Variants in MPRIP observed in about 807,000 individuals in gnomAD.
The protein encoded by MPRIP is myosin phosphatase Rho-interacting protein.
A neutral mutation model predicts 234.9 loss-of-function variants in MPRIP; 59 were observed. The observed-to-expected ratio is 0.25, with a 90% CI of 0.20 to 0.31. MPRIP has a LOEUF of 0.31. Among genes scored for constraint, MPRIP ranks in the 10% least tolerant of loss-of-function variants. MPRIP has a pLI of 1.00. For synonymous variants in MPRIP, 1,144 were observed against 1,263.9 expected (o/e 0.91, Z 2.01); for missense variants, 2,436 against 3,071.0 (o/e 0.79, Z 4.89).
At chr17:17,176,539 G>C in intron 21 of MPRIP, 27 bp downstream of exon 21, 1 of 1,582,706 alleles carries the variant, frequency 6.3e-7, no homozygotes, top group Non-Finnish European at 8.7e-7. Flanking sequence ...ACAGGAGGGC[G>C]GGTACGGGAA....
Position 17,138,098 on chromosome 17 carries a change from T to C in MPRIP, c.919T>C (p.Ser307Pro). ...NHRYSCPESP[S>P]QELGGPLPSP... ...CAGGTACAGTTGCCCCGAGTCGCCCTCCCAGGAGCTCGGTGGTCCTCTTCC... is the reference window on the plus strand; with the variant it reads ...CAGGTACAGTTGCCCCGAGTCGCCCCCCCAGGAGCTCGGTGGTCCTCTTCC... Residue 307 changes from serine (S) to proline (P), a missense_variant, in exon 7 of 24, where the codon TCC (serine) becomes CCC (proline). By Grantham distance (74) the Ser-to-Pro change is moderately conservative. Around this residue, in one of 4 missense-constraint regions of MPRIP, gnomAD observed 267 missense variants for 252.7 expected, o/e 1.06. Transcript: ENST00000651222. The surrounding 1 kb of genome is among the most constrained non-coding windows in gnomAD (Gnocchi z 5.8). The C allele has an allele frequency of 6.9e-7, 1 of 1,446,890 alleles. No homozygotes were observed. Among genetic ancestry groups the C allele is most frequent in the Non-Finnish European group, 9.2e-7 (1 of 1,083,450 alleles). 89.6% of individuals were successfully genotyped at this position (1,446,890 alleles called of 1,614,324 possible).
intron 15 of MPRIP, among the ~76,000 whole-genome samples, chr17:17,163,824 T>C (rs970069715): frequency 3.9e-5 from 6 of 152,186 alleles, no homozygotes; most frequent in Admixed American, 2.0e-4. Context: ...GTGTGTTCCA[T>C]TATTCAGTTT....
In MPRIP at chr17:17,078,422, G is replaced by T. The variant is rs1442825251; in HGVS notation, c.267+346G>T. The stretch of plus-strand genomic sequence containing the variant: ...ACGTGTGCAGGCTGTGGACCTGTGG[G>T]CGTGGGGCAGGGGCTGGCCCTGGGG... On this transcript the variant is annotated intron_variant, in intron 3 of 23. Coordinates refer to ENST00000651222, the MANE Select transcript of MPRIP (RefSeq NM_001364716.4). This position sits in a 1 kb window ranked among gnomAD's most constrained non-coding sequence, Gnocchi z 4.3. 6.6e-6 allele frequency among the ~76,000 whole-genome samples: 1 copy of T among 152,248 alleles called. No individual in the cohort carries two copies. The highest frequency in any genetic ancestry group is 1.5e-5 in the Non-Finnish European group (1 of 68,050).
intron 1 of MPRIP, among the ~76,000 whole-genome samples, chr17:17,069,862 G>C (rs955714810): frequency 6.6e-6 from 1 of 151,940 alleles, no homozygotes; most frequent in African/African-American, 2.4e-5. Flanking sequence ...CTTCCTTTCA[G>C]ATGTTCCAGG....
intron 3 of MPRIP, among the ~76,000 whole-genome samples, chr17:17,112,450 C>T (rs187178103): frequency 6.6e-6 from 1 of 152,348 alleles, no homozygotes; most frequent in East Asian, 1.9e-4. Context: ...TGACCCCAAG[C>T]CTGATGTCCA....
intron 6 of MPRIP, among the ~76,000 whole-genome samples, chr17:17,137,510 C>CT (rs2090725689): frequency 1.0e-5 from 1 of 99,736 alleles, no homozygotes; most frequent in East Asian, 3.6e-4. Flanking sequence ...GAGATTGCAT[C>CT]TCAAAAAAAA....
rs2090596470 is a variant in MPRIP, at chr17:17,131,536, G to A, written c.420-81G>A. On this transcript the variant is annotated intron_variant, in intron 4 of 23. Coordinates refer to ENST00000651222, the MANE Select transcript of MPRIP (RefSeq NM_001364716.4). ...GGGGACAATGCCCTGCTCTACTCCT[G>A]GACCACCCGGCAAGGGCCAGGGCTC... The A allele has an allele frequency of 1.5e-5, 19 of 1,234,676 alleles. No homozygotes were observed. The South Asian group carries it at 2.3e-4, about 15-fold the overall frequency. 76.5% of individuals were successfully genotyped at this position (1,234,676 alleles called of 1,614,324 possible).
chr17:17,058,450 G>A lies in MPRIP; in HGVS notation c.123+15479G>A, dbSNP rs979906695. 2.8e-4 allele frequency among the ~76,000 whole-genome samples: 43 copies of A among 151,436 alleles called. No homozygotes were observed. The East Asian group carries it at 4.3e-3, about 15-fold the overall frequency. On this transcript the variant is annotated intron_variant, in intron 1 of 23. Transcript: ENST00000651222. ...GAGAGCTCTAGGACTGTTAGGAGTG[G>A]GGACCCGGGGAGTGGAGCTCCAGGG... is the stretch of plus-strand genomic sequence containing the variant.
intron 15 of MPRIP, 55 bp from the exon 16 acceptor site, chr17:17,164,054 C>G: frequency 8.1e-7 from 1 of 1,240,560 alleles, no homozygotes; most frequent in South Asian, 1.3e-5. Context: ...AGGTGTGACA[C>G]TCAGAACTGG....
chr17:17,167,104 T>C lies in MPRIP; in HGVS notation c.5513T>C (p.Leu1838Ser). The change falls in exon 16 of 24, where the codon TTG becomes TCG. Residue 1838 changes from leucine to serine, a missense_variant. Physicochemically the swap from Leu to Ser is moderately radical, Grantham distance 145. Around this residue, in one of 4 missense-constraint regions of MPRIP, gnomAD observed 1,998 missense variants for 2,520.3 expected, o/e 0.79. Coordinates refer to ENST00000651222, the MANE Select transcript of MPRIP (RefSeq NM_001364716.4). This position sits in a 1 kb window ranked among gnomAD's most constrained non-coding sequence, Gnocchi z 5.9. ...GGCCTCGGTCAGTATTCTTCATTGT[T>C]GGTTCAGGATGCCATTATTCAGGCC... The part of the protein sequence containing the change: ...LGGLGQYSSL[L>S]VQDAIIQAQV... 7.7e-7 allele frequency: 1 copy of C among 1,304,178 alleles called. No individual in the cohort carries two copies. Among genetic ancestry groups the C allele is most frequent in the Non-Finnish European group, 1.0e-6 (1 of 988,956 alleles). The allele number at this position is 1,304,178 out of a possible 1,614,324, so 80.8% of individuals were successfully genotyped here.
chr17:17,059,454 C>CG (rs2088806544), intron 1 of MPRIP, among the ~76,000 whole-genome samples: 1 of 152,226 alleles, frequency 6.6e-6, no homozygotes. Flanking sequence ...AGGAGCATGC[C>CG]GGCCTCTATA....
chr17:17,124,992 A>G (rs754925213), intron 3 of MPRIP, among the ~76,000 whole-genome samples: 6 of 152,164 alleles, frequency 3.9e-5, no homozygotes, highest in Non-Finnish European at 8.8e-5. Context: ...AGAAGGTGGC[A>G]GGGGCTTGGA....
chr17:17,072,759 TGAG>T (rs1211004068), intron 1 of MPRIP, among the ~76,000 whole-genome samples: 1 of 152,008 alleles, frequency 6.6e-6, no homozygotes, highest in Non-Finnish European at 1.5e-5. Flanking sequence ...TCCCTGGACT[TGAG>T]GAGTGAGTTC....
chr17:17,182,522 G>A (rs1283617606), intron 23 of MPRIP: 1 of 152,344 alleles, frequency 6.6e-6, no homozygotes, highest in Admixed American at 6.5e-5. Context: ...GCTGAGCCTT[G>A]GGCTGAGCAG....
intron 21 of MPRIP, 146 bp downstream of exon 21, chr17:17,176,658 C>G: frequency 1.5e-6 from 1 of 660,156 alleles, no homozygotes; most frequent in Non-Finnish European, 2.6e-6. Context: ...ATCAAGCCCT[C>G]TTAAAAGACC....
intron 1 of MPRIP, 142 bp from the exon 2 acceptor site, chr17:17,075,568 C>T (rs553009426): frequency 3.9e-5 from 28 of 717,050 alleles, no homozygotes; most frequent in South Asian, 2.9e-4. Flanking sequence ...CAGCTGCAGA[C>T]GCACCGCAGT....
chr17:17,165,508 G>T lies in MPRIP; in HGVS notation c.3917G>T (p.Gly1306Val), dbSNP rs545327405. The change falls in exon 16 of 24, where the codon GGC becomes GTC. Residue 1306 changes from glycine to valine, a missense_variant. Physicochemically the swap from Gly to Val is moderately radical, Grantham distance 109. Transcript: ENST00000651222. ...EVLDREGHQQ[G>V]TAKLDQGAPG... Reference sequence around the variant, plus strand: ...CTTGACAGGGAGGGCCATCAGCAGGGCACAGCCAAACTCGACCAAGGGGCA... The same window carrying T: ...CTTGACAGGGAGGGCCATCAGCAGGTCACAGCCAAACTCGACCAAGGGGCA... 185 of 1,304,380 alleles carry T rather than the reference G, an allele frequency of 1.4e-4. 2 individuals are homozygous for T. In the African/African-American group the frequency reaches 1.6e-3, roughly 11 times the overall value. 80.8% of individuals were successfully genotyped at this position (1,304,380 alleles called of 1,614,324 possible). A position where few individuals can be genotyped will look rare whatever the true frequency, so the allele number is the denominator to read the frequency against.
chr17:17,148,708 G>A (rs920761472), intron 11 of MPRIP, among the ~76,000 whole-genome samples: 2 of 152,178 alleles, frequency 1.3e-5, no homozygotes, highest in African/African-American at 4.8e-5. Flanking sequence ...TGAACTAGCA[G>A]CTTCTTTTGG....
intron 3 of MPRIP, among the ~76,000 whole-genome samples, chr17:17,113,382 G>A (rs1445984527): frequency 6.6e-6 from 1 of 152,206 alleles, no homozygotes; most frequent in African/African-American, 2.4e-5. Flanking sequence ...TCACATAAGT[G>A]GAATCATACA....
Sources: gnomAD v4.1 joint callset for allele counts (sites outside exome capture counted in the v4.1 genomes callset) on GRCh38, gnomAD v4.1.1 for gene constraint, gnomAD v4.1.1 regional missense constraint, Gnocchi (gnomAD v3.1) non-coding constraint, MANE v1.5 for transcripts, NCBI Gene and HGNC (gene_info 2026-07-23, HGNC 2026-07-21) for gene names.